Variants in SIGLECL1 observed in about 807,000 individuals in gnomAD.
The protein encoded by SIGLECL1 is SIGLEC family-like protein 1.
A neutral mutation model predicts 19.1 loss-of-function variants in SIGLECL1; 16 were observed. The ratio of observed to expected loss-of-function variants is 0.84; its 90% CI spans 0.57 to 1.27. The LOEUF is 1.27. Among genes scored for constraint, SIGLECL1 ranks in the 50% most tolerant of loss-of-function variants. The pLI, the probability that SIGLECL1 is intolerant of heterozygous loss-of-function variation, is 0.00. For synonymous variants in SIGLECL1, 89 were observed against 90.4 expected (o/e 0.98, Z 0.09); for missense variants, 210 against 239.4 (o/e 0.88, Z 0.81).
chr19:51,251,122 A>G lies in SIGLECL1; in HGVS notation c.-614A>G, dbSNP rs895958168. On this transcript the variant is annotated 5_prime_UTR_variant, in exon 1 of 6. Transcript: ENST00000601727. ...CGAGCTAGCAGGTCTTGCAGCGGCT[A>G]TCACGCCCCTCACGCCGCTATCTCT... 6.6e-6 allele frequency: 1 copy of G among 152,224 alleles called. No homozygotes were observed. The highest frequency in any genetic ancestry group is 1.5e-5 in the Non-Finnish European group (1 of 68,078). The allele number at this position is 152,224 out of a possible 1,614,324, so 9.4% of individuals were successfully genotyped here.
chr19:51,262,009 A>G lies in SIGLECL1; in HGVS notation c.-190-1874A>G, dbSNP rs555836625. On this transcript the variant is annotated intron_variant, in intron 1 of 5. Transcript: ENST00000601727. ...AAACACTCCACTCATGTACTACACC[A>G]TTCATTACCCCCTTTATCCTTGCTA... 3.9e-5 allele frequency among the ~76,000 whole-genome samples: 6 copies of G among 152,306 alleles called. No individual in the cohort carries two copies. The South Asian group carries it at 1.2e-3, about 32-fold the overall frequency.
At position 51,267,376 on chromosome 19, in the gene SIGLECL1, G is replaced by A. The variant is rs1983756905; in HGVS notation, c.414G>A (p.Val138=). Residue 138 remains valine (V), a synonymous_variant, in exon 5 of 6, where the codon GTG becomes GTA. Coordinates refer to ENST00000601727, the MANE Select transcript of SIGLECL1 (RefSeq NM_001385465.1). ...AATCCAAGGCTTATTTCCTTAGAGT[G>A]AAACATATCAGAAAGAAGCAGGCGA... is the stretch of plus-strand genomic sequence containing the variant. ...LLFLCLLPLI[V]KHIRKKQAKK... is the part of the protein sequence containing the mutation. The A allele has an allele frequency of 6.2e-7, 1 of 1,611,608 alleles. No individual in the cohort carries two copies. The highest frequency in any genetic ancestry group is 8.5e-7 in the Non-Finnish European group (1 of 1,179,940).
upstream of SIGLECL1, among the ~76,000 whole-genome samples, chr19:51,248,215 G>A (rs1042694195): frequency 2.6e-5 from 4 of 152,146 alleles, no homozygotes; most frequent in African/African-American, 9.7e-5. Flanking sequence ...AGGTGGCACT[G>A]ATCAACTGGA....
Position 51,268,721 on chromosome 19 carries a change from C to A in SIGLECL1, c.*124C>A. 2.3e-6 allele frequency: 2 copies of A among 865,696 alleles called. No homozygotes were observed. Among genetic ancestry groups the A allele is most frequent in the South Asian group, 1.7e-5 (1 of 58,378 alleles). The allele number at this position is 865,696 out of a possible 1,614,324, so 53.6% of individuals were successfully genotyped here. On this transcript the variant is annotated 3_prime_UTR_variant, in exon 6 of 6. Transcript: ENST00000601727. ...TAAACCTGGAGCCCCCTGGACTCTC[C>A]TCAGCTCACAAAACCCTCTCAATTC...
At chr19:51,260,268 A>C (rs906843356) in intron 1 of SIGLECL1, among the ~76,000 whole-genome samples, 1 of 152,226 alleles carries the variant, frequency 6.6e-6, no homozygotes, top group Admixed American at 6.5e-5. Context: ...GCAACTTTTA[A>C]AGGATTTTTA....
rs116947691 is a variant in SIGLECL1, at chr19:51,252,766, C to T, written c.-191+1221C>T. On this transcript the variant is annotated intron_variant, in intron 1 of 5. Transcript: ENST00000601727. Reference sequence around the variant, plus strand: ...CTCAGAGAGGTCTGTTAAAACATGCCGAAATATGGAATAGGAAAGGACAGG... The same window carrying T: ...CTCAGAGAGGTCTGTTAAAACATGCTGAAATATGGAATAGGAAAGGACAGG... 2.6e-4 allele frequency among the ~76,000 whole-genome samples: 40 copies of T among 151,966 alleles called. 1 individual carries two copies. The East Asian group carries it at 7.6e-3, about 29-fold the overall frequency.
At chr19:51,256,267 GA>G (rs1239354024) in intron 1 of SIGLECL1, among the ~76,000 whole-genome samples, 3 of 152,002 alleles carry the variant, frequency 2.0e-5, no homozygotes, top group African/African-American at 7.2e-5. Flanking sequence ...CAGTTTCCAA[GA>G]ACTGAATGAT....
At chr19:51,261,284 G>GTTTTCTCT (rs1983195340) in intron 1 of SIGLECL1, among the ~76,000 whole-genome samples, 1 of 151,808 alleles carries the variant, frequency 6.6e-6, no homozygotes, top group Non-Finnish European at 1.5e-5. Flanking sequence ...TCATTCTTTG[G>GTTTTCTCT]TTTTTTCTTT....
At chr19:51,259,015 A>G (rs1983009412) in intron 1 of SIGLECL1, among the ~76,000 whole-genome samples, 1 of 152,178 alleles carries the variant, frequency 6.6e-6, no homozygotes, top group African/African-American at 2.4e-5. Flanking sequence ...ATAAATGACA[A>G]AAGGGCCTGG....
At chr19:51,268,225 G>C (rs562139734) in intron 5 of SIGLECL1, among the ~76,000 whole-genome samples, 1 of 152,246 alleles carries the variant, frequency 6.6e-6, no homozygotes, top group South Asian at 2.1e-4. Context: ...AGAGCAACTA[G>C]ACTGGTCGAG....
At chr19:51,256,853 C>T (rs1166631582) in intron 1 of SIGLECL1, among the ~76,000 whole-genome samples, 2 of 152,104 alleles carry the variant, frequency 1.3e-5, no homozygotes, top group South Asian at 4.1e-4. Flanking sequence ...ATAATCTCAT[C>T]TCTGATCACT....
chr19:51,248,657 G>A (rs746749187), upstream of SIGLECL1, among the ~76,000 whole-genome samples: 1 of 152,174 alleles, frequency 6.6e-6, no homozygotes, highest in Non-Finnish European at 1.5e-5. Context: ...TATTTGAGCT[G>A]ACATTCATGA....
intron 2 of SIGLECL1, among the ~76,000 whole-genome samples, 191 bp from the exon 3 acceptor site, chr19:51,265,177 C>T (rs533376233): frequency 1.3e-5 from 2 of 152,138 alleles, no homozygotes; most frequent in Non-Finnish European, 2.9e-5. Flanking sequence ...GAAGGTCTAG[C>T]GATCAGGTTC....
Position 51,254,860 on chromosome 19 carries a change from C to A in SIGLECL1, c.-191+3315C>A, listed in dbSNP as rs139440143. 7.2e-4 allele frequency among the ~76,000 whole-genome samples: 110 copies of A among 151,892 alleles called. 1 individual carries two copies. The highest frequency in any genetic ancestry group is 2.6e-3 in the African/African-American group (106 of 41,434). The stretch of plus-strand genomic sequence containing the variant: ...ATAAAAAGGTTAGCTACCAGTAGAC[C>A]CATGGCTAAATAAAAACCTGAAAAT... On this transcript the variant is annotated intron_variant, in intron 1 of 5. Coordinates refer to ENST00000601727, the MANE Select transcript of SIGLECL1 (RefSeq NM_001385465.1).
intron 1 of SIGLECL1, among the ~76,000 whole-genome samples, chr19:51,254,829 T>A (rs1432447988): frequency 6.6e-6 from 1 of 151,984 alleles, no homozygotes. Flanking sequence ...AATAAAAAAA[T>A]TAATTATAAA....
rs1340569931 is a variant in SIGLECL1 at position 51,251,132 on chromosome 19, T to C, written c.-604T>C. ...GGTCTTGCAGCGGCTATCACGCCCC[T>C]CACGCCGCTATCTCTGTGCAGCCGA... On this transcript the variant is annotated 5_prime_UTR_variant, in exon 1 of 6. Transcript: ENST00000601727. 1.3e-5 allele frequency: 2 copies of C among 152,214 alleles called. No individual in the cohort carries two copies. Among genetic ancestry groups the C allele is most frequent in the Non-Finnish European group, 2.9e-5 (2 of 68,062 alleles). The allele number at this position is 152,214 out of a possible 1,614,324, so 9.4% of individuals were successfully genotyped here.
Position 51,268,609 on chromosome 19 carries a change from A to C in SIGLECL1, c.*12A>C. 1 of 1,613,702 alleles carries C rather than the reference A, an allele frequency of 6.2e-7. No individual in the cohort carries two copies. The highest frequency in any genetic ancestry group is 1.1e-5 in the South Asian group (1 of 90,994). Reference sequence around the variant, plus strand: ...AACGAGCCAGCTAAGCCTGTGGAACATGCCTCATACCTGGAGTCGCCATTA... The same window carrying C: ...AACGAGCCAGCTAAGCCTGTGGAACCTGCCTCATACCTGGAGTCGCCATTA... On this transcript the variant is annotated 3_prime_UTR_variant, in exon 6 of 6. Coordinates refer to ENST00000601727, the MANE Select transcript of SIGLECL1 (RefSeq NM_001385465.1).
At chr19:51,268,162 G>A (rs1370315494) in intron 5 of SIGLECL1, among the ~76,000 whole-genome samples, 5 of 152,110 alleles carry the variant, frequency 3.3e-5, no homozygotes, top group Non-Finnish European at 5.9e-5. Flanking sequence ...TAATCTTTGT[G>A]CTCGACAATG....
intron 1 of SIGLECL1, among the ~76,000 whole-genome samples, chr19:51,262,262 C>G (rs544668929): frequency 6.6e-6 from 1 of 152,188 alleles, no homozygotes; most frequent in South Asian, 2.1e-4. Flanking sequence ...TTCCACTGAC[C>G]AATGTGGTAG....
Sources: allele counts gnomAD v4.1 joint callset (sites outside exome capture counted in the v4.1 genomes callset), GRCh38; gene constraint gnomAD v4.1.1; transcripts MANE v1.5; gene names NCBI Gene and HGNC (gene_info 2026-07-23, HGNC 2026-07-21).